Variants in FRYL observed in about 807,000 individuals in gnomAD.
The protein encoded by FRYL is FRY like transcription coactivator, also known as protein furry homolog-like.
In FRYL, 150 loss-of-function variants were observed where a neutral mutation model predicts 351.2. The ratio of observed to expected loss-of-function variants is 0.43; its 90% CI spans 0.37 to 0.49. FRYL has a LOEUF of 0.49. Among genes scored for constraint, FRYL ranks in the 20% least tolerant of loss-of-function variants. The probability of loss-of-function intolerance (pLI) is 0.00; values close to 1 mark genes in which losing one functional copy is unlikely to be tolerated. For synonymous variants in FRYL, 1,153 were observed against 1,257.1 expected, an observed-to-expected ratio of 0.92 and a Z score of 1.75; for missense variants, 3,036 against 3,619.3, an observed-to-expected ratio of 0.84 and a Z score of 4.13.
chr4:48,592,896 G>A (rs1181409202), intron 16 of FRYL, among the ~76,000 whole-genome samples: 1 of 152,128 alleles, frequency 6.6e-6, no homozygotes, highest in Non-Finnish European at 1.5e-5. Flanking sequence ...ATTTGACTAT[G>A]TATAGGATCA....
chr4:48,709,847 AACTT>A (rs1227342002), intron 2 of FRYL, among the ~76,000 whole-genome samples: 1 of 152,226 alleles, frequency 6.6e-6, no homozygotes, highest in Admixed American at 6.5e-5. Context: ...TCCATTTGGT[AACTT>A]ACTTCTCTAT....
intron 1 of FRYL, among the ~76,000 whole-genome samples, chr4:48,775,971 C>G (rs1400718023): frequency 1.3e-5 from 2 of 151,384 alleles, no homozygotes; most frequent in Non-Finnish European, 2.9e-5. Context: ...TTTCCCCACT[C>G]CCAATAAATG....
chr4:48,624,199 C>T (rs1751303859), intron 4 of FRYL, among the ~76,000 whole-genome samples: 1 of 152,146 alleles, frequency 6.6e-6, no homozygotes, highest in African/African-American at 2.4e-5. Context: ...GTATATCTTG[C>T]TTCAGCACAG....
chr4:48,716,185 T>G (rs1324765413), intron 1 of FRYL, among the ~76,000 whole-genome samples: 1 of 151,768 alleles, frequency 6.6e-6, no homozygotes, highest in Non-Finnish European at 1.5e-5. Flanking sequence ...GAAGAAAACC[T>G]AGGCATTACC....
At chr4:48,621,680 G>A (rs1197006714) in intron 5 of FRYL, among the ~76,000 whole-genome samples, 7 of 152,142 alleles carry the variant, frequency 4.6e-5, no homozygotes, top group African/African-American at 1.7e-4. Context: ...TTAGTTCCAT[G>A]ACTAGAGCAG....
At chr4:48,767,031 T>C (rs1464174) in intron 1 of FRYL, among the ~76,000 whole-genome samples, 143,460 of 147,670 alleles carry the variant, frequency 0.97, 69,836 homozygotes, top group East Asian at 1. Flanking sequence ...ATAAAATATG[T>C]ATTGTATTAT....
chr4:48,759,241 AAAAG>A (rs982150080), intron 1 of FRYL, among the ~76,000 whole-genome samples: 1 of 152,220 alleles, frequency 6.6e-6, no homozygotes, highest in African/African-American at 2.4e-5. Context: ...AATAATAAAA[AAAAG>A]AAAGAAACAG....
At chr4:48,626,998 T>G (rs994766309) in intron 4 of FRYL, among the ~76,000 whole-genome samples, 2 of 152,130 alleles carry the variant, frequency 1.3e-5, no homozygotes, top group African/African-American at 4.8e-5. Flanking sequence ...TCAATTATCT[T>G]GTAGGACAAG....
At chr4:48,507,579 G>A (rs1194967118) in intron 59 of FRYL, among the ~76,000 whole-genome samples, 3 of 151,952 alleles carry the variant, frequency 2.0e-5, no homozygotes, top group South Asian at 2.1e-4. Context: ...CCCAATACCC[G>A]CCCCAGTGCT....
intron 3 of FRYL, chr4:48,681,052 C>T (rs1206988815): frequency 7.8e-7 from 1 of 1,286,182 alleles, no homozygotes; most frequent in African/African-American, 1.5e-5. Flanking sequence ...TCTTGGGGAA[C>T]TTTCCTCAGT....
At chr4:48,662,660 G>A (rs192744709) in intron 3 of FRYL, among the ~76,000 whole-genome samples, 18 of 151,168 alleles carry the variant, frequency 1.2e-4, no homozygotes, top group East Asian at 1.2e-3. Context: ...GCACAGTGGC[G>A]CGTGCATGTA....
At chr4:48,614,972 G>A (rs13151534) in intron 7 of FRYL, among the ~76,000 whole-genome samples, 77,125 of 150,268 alleles carry the variant, frequency 0.51, 20,246 homozygotes, top group South Asian at 0.61. Context: ...GACTACAGGC[G>A]CCCGCCAACA....
chr4:48,759,635 A>G (rs956709343), intron 1 of FRYL, among the ~76,000 whole-genome samples: 1 of 152,140 alleles, frequency 6.6e-6, no homozygotes, highest in Non-Finnish European at 1.5e-5. Context: ...TATTTTTGTA[A>G]GATGAGGGCT....
chr4:48,653,080 G>A (rs755245234), intron 3 of FRYL, among the ~76,000 whole-genome samples: 3 of 152,152 alleles, frequency 2.0e-5, no homozygotes, highest in African/African-American at 7.2e-5. Flanking sequence ...TTGAACAAAA[G>A]CAATATTTCT....
At chr4:48,680,897 T>C in intron 3 of FRYL, 1 of 882,570 alleles carries the variant, frequency 1.1e-6, no homozygotes, top group Non-Finnish European at 1.4e-6. Flanking sequence ...AATACTTTTT[T>C]AAAGGATGCA....
chr4:48,712,273 A>C (rs1024405731), intron 1 of FRYL, among the ~76,000 whole-genome samples: 2 of 152,174 alleles, frequency 1.3e-5, no homozygotes, highest in Non-Finnish European at 2.9e-5. Flanking sequence ...CTACTCCGAG[A>C]TACAGGAGGA....
intron 49 of FRYL, among the ~76,000 whole-genome samples, chr4:48,532,960 A>C (rs1336655074): frequency 6.6e-6 from 1 of 152,220 alleles, no homozygotes; most frequent in Admixed American, 6.5e-5. Context: ...AATTGAGTCA[A>C]CATTTTAAAA....
At chr4:48,715,033 C>A (rs1240150193) in intron 1 of FRYL, among the ~76,000 whole-genome samples, 2 of 152,182 alleles carry the variant, frequency 1.3e-5, no homozygotes, top group East Asian at 3.8e-4. Flanking sequence ...ACATGATTAT[C>A]TCAATAGATG....
intron 45 of FRYL, 112 bp downstream of exon 45, chr4:48,541,915 A>G (rs553414638): frequency 2.5e-5 from 18 of 725,594 alleles, no homozygotes; most frequent in Non-Finnish European, 4.3e-5. Context: ...TAATCCATCT[A>G]ATTTGGGCAG....
Sources: gnomAD v4.1 joint callset for allele counts (sites outside exome capture counted in the v4.1 genomes callset) on GRCh38, gnomAD v4.1.1 for gene constraint, MANE v1.5 for transcripts, NCBI Gene and HGNC (gene_info 2026-07-23, HGNC 2026-07-21) for gene names.